Variants in CDH12 observed in about 807,000 individuals in gnomAD.
CDH12 encodes the protein cadherin 12, also known as cadherin-12.
A neutral mutation model predicts 74.1 loss-of-function variants in CDH12; 41 were observed. The observed-to-expected ratio is 0.55, with a 90% confidence interval of 0.43 to 0.72. The LOEUF is 0.72. Among genes scored for constraint, CDH12 ranks in the 30% least tolerant of loss-of-function variants. The probability of loss-of-function intolerance (pLI) is 0.00; values close to 1 mark genes in which losing one functional copy is unlikely to be tolerated. For synonymous variants in CDH12, 399 were observed against 355.0 expected (o/e 1.12, Z -1.39); for missense variants, 945 against 977.2 (o/e 0.97, Z 0.44).
At chr5:22,014,599 C>G (rs938993547) in intron 5 of CDH12, among the ~76,000 whole-genome samples, 2 of 152,146 alleles carry the variant, frequency 1.3e-5, no homozygotes, top group Non-Finnish European at 2.9e-5. Flanking sequence ...TTCACTTGCA[C>G]TGATATGGAC....
At chr5:22,173,375 C>T (rs1036149567) in intron 4 of CDH12, among the ~76,000 whole-genome samples, 2 of 142,318 alleles carry the variant, frequency 1.4e-5, no homozygotes, top group African/African-American at 2.5e-5. Flanking sequence ...ATAATACATA[C>T]ACTTTTATAT....
chr5:22,815,974 A>C (rs1749377029), intron 1 of CDH12, among the ~76,000 whole-genome samples: 1 of 152,046 alleles, frequency 6.6e-6, no homozygotes. Context: ...ATGTGTTAAA[A>C]GACTTGAAGA....
chr5:21,791,029 A>G (rs1197424276), intron 10 of CDH12, among the ~76,000 whole-genome samples: 5 of 151,948 alleles, frequency 3.3e-5, no homozygotes, highest in Non-Finnish European at 5.9e-5. Flanking sequence ...TCTCTGCATG[A>G]TACCCTCCAA....
At chr5:22,558,133 A>T (rs1001070894) in intron 1 of CDH12, among the ~76,000 whole-genome samples, 3 of 152,080 alleles carry the variant, frequency 2.0e-5, no homozygotes, top group Non-Finnish European at 4.4e-5. Context: ...TCGCAGCAGG[A>T]GCCAGGACCT....
At chr5:22,156,500 C>A (rs576013569) in intron 4 of CDH12, among the ~76,000 whole-genome samples, 1 of 151,928 alleles carries the variant, frequency 6.6e-6, no homozygotes, top group South Asian at 2.1e-4. Context: ...ATCGTATATA[C>A]ATATACTTAA....
intron 2 of CDH12, among the ~76,000 whole-genome samples, chr5:22,473,166 A>G (rs1746036716): frequency 6.6e-6 from 1 of 152,110 alleles, no homozygotes; most frequent in South Asian, 2.1e-4. Flanking sequence ...AATTTTGAAT[A>G]TGACTCAATT....
At chr5:21,795,856 A>G (rs1178447123) in intron 10 of CDH12, among the ~76,000 whole-genome samples, 1 of 152,020 alleles carries the variant, frequency 6.6e-6, no homozygotes, top group East Asian at 1.9e-4. Context: ...CAAACCAGCT[A>G]CTTTGATACT....
intron 5 of CDH12, among the ~76,000 whole-genome samples, chr5:22,005,162 T>C (rs1459984794): frequency 6.6e-6 from 1 of 152,132 alleles, no homozygotes; most frequent in African/African-American, 2.4e-5. Context: ...TGCCTCAGCC[T>C]CCTGGGTAGC....
At chr5:22,437,063 TTTTTC>T (rs1310284009) in intron 2 of CDH12, among the ~76,000 whole-genome samples, 1 of 152,082 alleles carries the variant, frequency 6.6e-6, no homozygotes, top group Non-Finnish European at 1.5e-5. Context: ...AGATTTAACT[TTTTTC>T]TTTTCTGAGA....
At chr5:22,362,508 T>C (rs1392198150) in intron 3 of CDH12, among the ~76,000 whole-genome samples, 1 of 152,162 alleles carries the variant, frequency 6.6e-6, no homozygotes, top group Non-Finnish European at 1.5e-5. Context: ...TTAACCATTG[T>C]GGAAGACAGT....
chr5:22,740,121 G>A (rs1744944167), intron 1 of CDH12, among the ~76,000 whole-genome samples: 2 of 151,804 alleles, frequency 1.3e-5, no homozygotes, highest in Non-Finnish European at 2.9e-5. Context: ...TTTCTTGTAA[G>A]AGAAAAAGTT....
intron 1 of CDH12, among the ~76,000 whole-genome samples, chr5:22,533,137 G>T (rs1031426557): frequency 1.5e-4 from 22 of 151,556 alleles, no homozygotes; most frequent in African/African-American, 5.3e-4. Flanking sequence ...TTTTTCTCCT[G>T]TATCAGTGGT....
intron 5 of CDH12, among the ~76,000 whole-genome samples, chr5:22,059,936 C>T (rs1298148523): frequency 1.3e-5 from 2 of 151,950 alleles, no homozygotes; most frequent in African/African-American, 2.4e-5. Context: ...AACTTATCTT[C>T]TATTATTTAG....
chr5:22,263,554 G>T (rs956076026), intron 3 of CDH12, among the ~76,000 whole-genome samples: 5 of 151,966 alleles, frequency 3.3e-5, no homozygotes, highest in African/African-American at 1.2e-4. Context: ...AAACATCCTG[G>T]CCATTTTGTA....
At chr5:22,044,494 C>G (rs557581789) in intron 5 of CDH12, among the ~76,000 whole-genome samples, 1 of 152,262 alleles carries the variant, frequency 6.6e-6, no homozygotes, top group Non-Finnish European at 1.5e-5. Flanking sequence ...AGAACTCACT[C>G]ACTGTCATGA....
intron 4 of CDH12, among the ~76,000 whole-genome samples, chr5:22,191,815 C>T (rs554397367): frequency 4.6e-5 from 7 of 152,156 alleles, no homozygotes; most frequent in East Asian, 1.9e-4. Flanking sequence ...CCGCCCGCCT[C>T]GGCCTCCCAA....
chr5:22,128,160 T>C (rs1745987531), intron 4 of CDH12, among the ~76,000 whole-genome samples: 2 of 152,334 alleles, frequency 1.3e-5, no homozygotes, highest in African/African-American at 4.8e-5. Flanking sequence ...GTTGGATTGA[T>C]GGTCAAGGTT....
chr5:22,435,549 A>G (rs934589535), intron 2 of CDH12, among the ~76,000 whole-genome samples: 9 of 149,690 alleles, frequency 6.0e-5, no homozygotes, highest in Admixed American at 6.0e-4. Flanking sequence ...CTATTAGTTC[A>G]GTCCCTCTAG....
At chr5:22,700,373 T>C (rs1742653493) in intron 1 of CDH12, among the ~76,000 whole-genome samples, 1 of 152,176 alleles carries the variant, frequency 6.6e-6, no homozygotes, top group African/African-American at 2.4e-5. Flanking sequence ...GAGAACTCTG[T>C]GTTTAAGAAT....
Sources: allele counts gnomAD v4.1 joint callset (sites outside exome capture counted in the v4.1 genomes callset), GRCh38; gene constraint gnomAD v4.1.1; transcripts MANE v1.5; gene names NCBI Gene and HGNC (gene_info 2026-07-23, HGNC 2026-07-21).